The following LAT2 variants were observed in gnomAD, a reference collection of about 807,000 sequenced individuals.
LAT2 encodes the protein linker for activation of T cells family member 2, also known as linker for activation of T-cells family member 2.
Under a neutral mutation model 43.4 loss-of-function variants are expected in LAT2, and 23 were observed. The observed-to-expected ratio is 0.53, with a 90% CI of 0.38 to 0.75. The LOEUF is 0.75. Ranked by LOEUF, LAT2 falls within the 30% of genes least tolerant of loss-of-function variation. The pLI is 0.00. For synonymous variants in LAT2, 128 were observed against 123.2 expected, an observed-to-expected ratio of 1.04 and a Z score of -0.26; for missense variants, 284 against 310.2, an observed-to-expected ratio of 0.92 and a Z score of 0.64.
intron 3 of LAT2, 37 bp from the exon 4 acceptor site, chr7:74,216,788 T>C (rs782648108): frequency 6.2e-7 from 1 of 1,608,316 alleles, no homozygotes; most frequent in Non-Finnish European, 8.5e-7. Context: ...TCGCAGCTGC[T>C]CCCAGACCCT....
chr7:74,221,550 G>A, intron 9 of LAT2, 87 bp from the exon 10 acceptor site: 8 of 1,003,272 alleles, frequency 8.0e-6, no homozygotes, highest in Non-Finnish European at 1.2e-5. Flanking sequence ...GGTGGGAGCA[G>A]CCCTGGCCTC....
At position 74,215,947 on chromosome 7, in the gene LAT2, C is replaced by T; in HGVS notation, c.-29C>T. 6.2e-7 allele frequency: 1 copy of T among 1,606,912 alleles called. No individual in the cohort carries two copies. The highest frequency in any genetic ancestry group is 1.1e-5 in the South Asian group (1 of 90,948). Reference sequence around the variant, plus strand: ...TGCTCACGGGCACCTCCCATTTCAGCATCACAAGAGGCAACACCAGGAGCC... The same window carrying T: ...TGCTCACGGGCACCTCCCATTTCAGTATCACAAGAGGCAACACCAGGAGCC... On this transcript the variant is annotated splice_region_variant and 5_prime_UTR_variant, in exon 3 of 14. Transcript: ENST00000460943.
chr7:74,216,769 G>T, intron 3 of LAT2, 56 bp from the exon 4 acceptor site: 1 of 1,524,114 alleles, frequency 6.6e-7, no homozygotes, highest in South Asian at 1.1e-5. Flanking sequence ...GGGGGTGTCT[G>T]ACCTCAGGTC....
At chr7:74,211,338 G>A (rs369580012) in intron 1 of LAT2, among the ~76,000 whole-genome samples, 4 of 152,190 alleles carry the variant, frequency 2.6e-5, no homozygotes, top group East Asian at 1.9e-4. Context: ...GTGCAGTGGC[G>A]TGATCTCGGC....
At position 74,220,359 on chromosome 7, in the gene LAT2, G is replaced by A. The variant is rs1304261707; in HGVS notation, c.265+105G>A. 2.9e-6 allele frequency: 4 copies of A among 1,377,308 alleles called. No homozygotes were observed. The African/African-American group carries it at 5.7e-5, about 20-fold the overall frequency. The allele number at this position is 1,377,308 out of a possible 1,614,324, so 85.3% of individuals were successfully genotyped here. A position where few individuals can be genotyped will look rare whatever the true frequency, so the allele number is the denominator to read the frequency against. On this transcript the variant is annotated intron_variant, in intron 7 of 13. Coordinates refer to ENST00000460943, the MANE Select transcript of LAT2 (RefSeq NM_032464.3). The surrounding 1 kb of genome is among the most constrained non-coding windows in gnomAD (Gnocchi z 4.5). Reference sequence around the variant, plus strand: ...TCGTGCAGTGGGGGCTGCGGGGCCAGGCGAGGCCTCCCCAGGAGAGACACA... The same window carrying A: ...TCGTGCAGTGGGGGCTGCGGGGCCAAGCGAGGCCTCCCCAGGAGAGACACA...
chr7:74,210,115 T>C (rs1801681384), intron 1 of LAT2, 27 bp downstream of exon 1: 1 of 152,428 alleles, frequency 6.6e-6, no homozygotes, highest in African/African-American at 2.4e-5. Flanking sequence ...GGTGCCTCAG[T>C]CCTCAGGCTG....
intron 1 of LAT2, 69 bp from the exon 2 acceptor site, chr7:74,214,750 TATA>T (rs1563968614): frequency 1.3e-5 from 1 of 76,828 alleles, no homozygotes; most frequent in African/African-American, 6.4e-5. Context: ...AATATATAAA[TATA>T]TATATATAAA....
chr7:74,220,550 G>A lies in LAT2; in HGVS notation c.266-34G>A, dbSNP rs1325369921. On this transcript the variant is annotated intron_variant, in intron 7 of 13. Coordinates refer to ENST00000460943, the MANE Select transcript of LAT2 (RefSeq NM_032464.3). The surrounding 1 kb of genome is among the most constrained non-coding windows in gnomAD (Gnocchi z 4.5). ...CGAGCTGGGTGCAAAGCAGGGGCCA[G>A]GGGAGAAAGCAATTAGCTGGGTCTT... The A allele has an allele frequency of 2.5e-6, 4 of 1,613,530 alleles. No homozygotes were observed. Among genetic ancestry groups the A allele is most frequent in the Non-Finnish European group, 3.4e-6 (4 of 1,179,814 alleles).
In LAT2 at chr7:74,219,733, T is replaced by A; in HGVS notation, c.135-11T>A. 6.2e-7 allele frequency: 1 copy of A among 1,614,112 alleles called. No homozygotes were observed. The highest frequency in any genetic ancestry group is 8.5e-7 in the Non-Finnish European group (1 of 1,180,016). On this transcript the variant is annotated splice_polypyrimidine_tract_variant and intron_variant, in intron 4 of 13. Transcript: ENST00000460943. ...CCAGGCCCAGGCTCAGCACAGCCCA[T>A]GCATTTCCAGGCGTGAGGACCAACA...
At chr7:74,210,394 C>A (rs1801689003) in intron 1 of LAT2, among the ~76,000 whole-genome samples, 1 of 152,184 alleles carries the variant, frequency 6.6e-6, no homozygotes, top group Non-Finnish European at 1.5e-5. Flanking sequence ...GCTGCCCTGG[C>A]CTGGGAGCCT....
At chr7:74,217,268 C>A (rs1430317618) in intron 4 of LAT2, among the ~76,000 whole-genome samples, 2 of 152,046 alleles carry the variant, frequency 1.3e-5, no homozygotes, top group African/African-American at 4.8e-5. Flanking sequence ...CTCATTTCTA[C>A]TAAAATACAA....
chr7:74,222,110 G>C (rs1283322679), intron 10 of LAT2, among the ~76,000 whole-genome samples: 2 of 151,836 alleles, frequency 1.3e-5, no homozygotes, highest in Non-Finnish European at 2.9e-5. Context: ...GAGAGGCCGG[G>C]TGTGGTGGCT....
chr7:74,216,184 A>T, intron 3 of LAT2, 115 bp downstream of exon 3: 1 of 825,270 alleles, frequency 1.2e-6, no homozygotes, highest in East Asian at 2.7e-5. Context: ...GAACCTCGTG[A>T]TGTGACCCCT....
chr7:74,227,312 C>T (rs1239059325), intron 13 of LAT2, among the ~76,000 whole-genome samples: 1 of 151,954 alleles, frequency 6.6e-6, no homozygotes. Context: ...ACCTCTGCCT[C>T]CTGGGTTCAG....
intron 13 of LAT2, among the ~76,000 whole-genome samples, chr7:74,228,165 TAAAAAAAAAAAAAAAAA>T (rs34339569): frequency 3.6e-4 from 8 of 22,384 alleles, no homozygotes; most frequent in African/African-American, 7.1e-4. Context: ...AACTACGTCT[TAAAAAAAAAAAAAAAAA>T]AAAAAAAAAA....
In LAT2 at chr7:74,220,808, C is replaced by G; in HGVS notation, c.332+74C>G. 2 of 1,303,350 alleles carry G rather than the reference C, an allele frequency of 1.5e-6. No individual in the cohort carries two copies. Among genetic ancestry groups the G allele is most frequent in the Non-Finnish European group, 2.1e-6 (2 of 966,362 alleles). 80.7% of individuals were successfully genotyped at this position (1,303,350 alleles called of 1,614,324 possible). On this transcript the variant is annotated intron_variant, in intron 9 of 13. Coordinates refer to ENST00000460943, the MANE Select transcript of LAT2 (RefSeq NM_032464.3). This position sits in a 1 kb window ranked among gnomAD's most constrained non-coding sequence, Gnocchi z 4.5. ...CACCTCTCCCCCTGCCCCACCTCTC[C>G]CCCTGCCCCACCTGCCTGCCACAGC... is the stretch of plus-strand genomic sequence containing the variant.
chr7:74,210,285 C>T (rs7810996), intron 1 of LAT2, among the ~76,000 whole-genome samples, 197 bp downstream of exon 1: 43,529 of 152,112 alleles, frequency 0.29, 6,357 homozygotes, highest in Admixed American at 0.3. Context: ...CTCTTGCCCT[C>T]GCCTTCCCCT....
chr7:74,211,653 T>C (rs1169094592), intron 1 of LAT2, among the ~76,000 whole-genome samples: 1 of 151,996 alleles, frequency 6.6e-6, no homozygotes, highest in Non-Finnish European at 1.5e-5. Flanking sequence ...GAGACGGGGT[T>C]TCGCCATGTT....
At chr7:74,224,798 T>C (rs1554715873) in intron 13 of LAT2, 38 bp downstream of exon 13, 19 of 1,414,792 alleles carry the variant, frequency 1.3e-5, no homozygotes, top group Admixed American at 2.3e-5. Context: ...GGGCCAAGGA[T>C]TGGAGGTCTT....
Sources: allele counts gnomAD v4.1 joint callset (sites outside exome capture counted in the v4.1 genomes callset), GRCh38; gene constraint gnomAD v4.1.1; non-coding constraint Gnocchi (gnomAD v3.1); transcripts MANE v1.5; gene names NCBI Gene and HGNC (gene_info 2026-07-23, HGNC 2026-07-21).